SLC23A2: variants seen among roughly 807,000 people sequenced by gnomAD.
The protein encoded by SLC23A2 is Na(+)/L-ascorbic acid transporter 2.
A neutral mutation model predicts 73.3 loss-of-function variants in SLC23A2; 36 were observed. That is an observed-to-expected ratio of 0.49 (90% CI 0.38 to 0.65). The LOEUF is 0.65. SLC23A2 is among the 30% of genes least tolerant of loss of function. The pLI is 0.00. For synonymous variants in SLC23A2, 343 were observed against 327.3 expected, an observed-to-expected ratio of 1.05 and a Z score of -0.52; for missense variants, 507 against 841.6, an observed-to-expected ratio of 0.60 and a Z score of 4.92.
intron 6 of SLC23A2, among the ~76,000 whole-genome samples, chr20:4,893,312 G>A (rs970809703): frequency 3.3e-5 from 5 of 151,882 alleles, no homozygotes; most frequent in African/African-American, 7.3e-5. Flanking sequence ...CAATCCTCCC[G>A]CCTCAGACTC....
intron 3 of SLC23A2, among the ~76,000 whole-genome samples, chr20:4,924,218 CA>C (rs1441553072): frequency 6.6e-6 from 1 of 152,208 alleles, no homozygotes; most frequent in African/African-American, 2.4e-5. Flanking sequence ...TCCAGGACAG[CA>C]ACTTGCCCCT....
At chr20:4,914,772 G>A (rs550389298) in intron 3 of SLC23A2, among the ~76,000 whole-genome samples, 1 of 152,320 alleles carries the variant, frequency 6.6e-6, no homozygotes, top group South Asian at 2.1e-4. Context: ...TGGACACGGT[G>A]GCTCAGGACT....
chr20:4,894,276 T>C (rs952486145), intron 6 of SLC23A2, among the ~76,000 whole-genome samples: 1 of 151,958 alleles, frequency 6.6e-6, no homozygotes, highest in East Asian at 1.9e-4. Context: ...GGGAATGCCA[T>C]GAGGAAGGGC....
chr20:4,884,357 T>G (rs1203290456), intron 8 of SLC23A2, among the ~76,000 whole-genome samples: 1 of 152,252 alleles, frequency 6.6e-6, no homozygotes, highest in Non-Finnish European at 1.5e-5. Context: ...TCTGTTCAAT[T>G]GCACTTTGGC....
intron 1 of SLC23A2, among the ~76,000 whole-genome samples, chr20:4,979,735 T>C (rs927091319): frequency 2.0e-4 from 30 of 152,296 alleles, no homozygotes; most frequent in African/African-American, 7.2e-4. Context: ...TGACAGATTT[T>C]TATTCATCTT....
chr20:4,953,334 TAAAA>T (rs1000696005), intron 2 of SLC23A2, among the ~76,000 whole-genome samples: 21 of 151,142 alleles, frequency 1.4e-4, no homozygotes, highest in African/African-American at 4.9e-4. Context: ...TTAAATTAAA[TAAAA>T]AAAGAAATGT....
At chr20:4,974,199 G>A (rs1455672918) in intron 1 of SLC23A2, among the ~76,000 whole-genome samples, 14 of 152,052 alleles carry the variant, frequency 9.2e-5, no homozygotes, top group African/African-American at 3.1e-4. Context: ...AGCCAGGCGC[G>A]GTGGTTTATG....
Position 4,855,589 on chromosome 20 carries a change from C to G in SLC23A2, c.*1383G>C, listed in dbSNP as rs970228877. 1.3e-5 allele frequency: 2 copies of G among 152,622 alleles called. No homozygotes were observed. Among genetic ancestry groups the G allele is most frequent in the African/African-American group, 4.8e-5 (2 of 41,462 alleles). The allele number at this position is 152,622 out of a possible 1,614,324, so 9.5% of individuals were successfully genotyped here. ...TCTTATCACCTTTGGCAACCACCCT[C>G]ACCTGTAAAATCAAGATCTAACGGA... On this transcript the variant is annotated 3_prime_UTR_variant, in exon 17 of 17. Transcript: ENST00000338244.
intron 2 of SLC23A2, among the ~76,000 whole-genome samples, chr20:4,933,363 G>A (rs1361131788): frequency 2.0e-5 from 3 of 151,972 alleles, no homozygotes; most frequent in Non-Finnish European, 2.9e-5. Context: ...CAGCACTTTG[G>A]GAAGCTAAGA....
chr20:5,003,407 A>G (rs2088155472), upstream of SLC23A2, among the ~76,000 whole-genome samples: 1 of 152,092 alleles, frequency 6.6e-6, no homozygotes, highest in African/African-American at 2.4e-5. Flanking sequence ...AACAAAACAA[A>G]AACAACAACA....
chr20:4,966,837 C>CACACAT (rs1555806655), intron 2 of SLC23A2, among the ~76,000 whole-genome samples: 4,782 of 147,152 alleles, frequency 0.032, 153 homozygotes, highest in African/African-American at 0.083. Context: ...CACACACACA[C>CACACAT]ACACACACAC....
Position 4,974,026 on chromosome 20 carries a change from T to C in SLC23A2, c.-281-3107A>G, listed in dbSNP as rs565768428. Among the ~76,000 whole-genome samples, 11 of 152,242 alleles carry C rather than the reference T, an allele frequency of 7.2e-5. 1 individual carries two copies. In the South Asian group the frequency reaches 2.3e-3, roughly 32 times the overall value. Reference sequence around the variant, plus strand: ...ACATCTACCACTGACTCAACATCATTTCCTTAAAAAGGGATGTTAACTCTT... The same window carrying C: ...ACATCTACCACTGACTCAACATCATCTCCTTAAAAAGGGATGTTAACTCTT... On this transcript the variant is annotated intron_variant, in intron 1 of 16. Transcript: ENST00000338244.
intron 3 of SLC23A2, among the ~76,000 whole-genome samples, chr20:4,932,112 T>A (rs1339510446): frequency 2.0e-5 from 3 of 152,194 alleles, no homozygotes; most frequent in Admixed American, 2.0e-4. Flanking sequence ...GCTTGCAATA[T>A]GAGTGTGATG....
Position 4,853,351 on chromosome 20 carries a change from A to T in SLC23A2, c.*3621T>A, listed in dbSNP as rs1225731917. 2 of 152,588 alleles carry T rather than the reference A, an allele frequency of 1.3e-5. No homozygotes were observed. The highest frequency in any genetic ancestry group is 2.9e-5 in the Non-Finnish European group (2 of 68,038). 9.5% of individuals were successfully genotyped at this position (152,588 alleles called of 1,614,324 possible). A position where few individuals can be genotyped will look rare whatever the true frequency, so the allele number is the denominator to read the frequency against. ...TGCTACTGCTCCATATTCACCTTCA[A>T]TCTGGCCTGGCCACTCCCATGGCAT... On this transcript the variant is annotated 3_prime_UTR_variant, in exon 17 of 17. Coordinates refer to ENST00000338244, the MANE Select transcript of SLC23A2 (RefSeq NM_005116.6).
chr20:5,007,617 C>G (rs1352196374), intron 1 of SLC23A2, among the ~76,000 whole-genome samples: 1 of 152,136 alleles, frequency 6.6e-6, no homozygotes, highest in Non-Finnish European at 1.5e-5. Context: ...ACAAGTACCA[C>G]TAATTTTAGA....
intron 2 of SLC23A2, among the ~76,000 whole-genome samples, chr20:4,935,465 A>G (rs1393373465): frequency 1.3e-5 from 2 of 152,138 alleles, no homozygotes; most frequent in Admixed American, 6.5e-5. Context: ...TACCGCAGGG[A>G]TCACTACAAC....
At chr20:4,905,344 C>T (rs1931904631) in intron 4 of SLC23A2, among the ~76,000 whole-genome samples, 1 of 152,036 alleles carries the variant, frequency 6.6e-6, no homozygotes, top group Non-Finnish European at 1.5e-5. Context: ...AGACGCTGTG[C>T]CCCCCCTCCT....
At chr20:4,887,448 T>C (rs1429433879) in intron 6 of SLC23A2, among the ~76,000 whole-genome samples, 2 of 152,214 alleles carry the variant, frequency 1.3e-5, no homozygotes, top group Non-Finnish European at 2.9e-5. Context: ...GAATTGCGTT[T>C]AGAGATTTTA....
At chr20:4,892,121 C>A (rs1931354778) in intron 6 of SLC23A2, among the ~76,000 whole-genome samples, 1 of 151,976 alleles carries the variant, frequency 6.6e-6, no homozygotes, top group African/African-American at 2.4e-5. Flanking sequence ...TCCAAAGTCA[C>A]GTGACTATTA....
Sources: allele counts gnomAD v4.1 joint callset (sites outside exome capture counted in the v4.1 genomes callset), GRCh38; gene constraint gnomAD v4.1.1; transcripts MANE v1.5; gene names NCBI Gene and HGNC (gene_info 2026-07-23, HGNC 2026-07-21).